The following PTPRN2 variants were observed in gnomAD, a reference collection of about 807,000 sequenced individuals.
The protein encoded by PTPRN2 is protein tyrosine phosphatase receptor type N2, also known as receptor-type tyrosine-protein phosphatase N2.
A neutral mutation model predicts 118.8 loss-of-function variants in PTPRN2; 74 were observed. The observed-to-expected ratio is 0.62, with a 90% CI of 0.52 to 0.76. The LOEUF (loss-of-function observed/expected upper bound fraction) is 0.76, where lower values mean the gene tolerates loss of function less well. PTPRN2 is among the 30% of genes least tolerant of loss of function. The pLI, the probability that PTPRN2 is intolerant of heterozygous loss-of-function variation, is 0.00. For missense variants in PTPRN2, 1,481 were observed against 1,394.4 expected, an observed-to-expected ratio of 1.06 and a Z score of -0.99; for synonymous variants, 641 against 608.0, an observed-to-expected ratio of 1.05 and a Z score of -0.80.
At chr7:158,008,472 C>T (rs1223759240) in intron 11 of PTPRN2, among the ~76,000 whole-genome samples, 3 of 152,220 alleles carry the variant, frequency 2.0e-5, no homozygotes, top group Non-Finnish European at 4.4e-5. Flanking sequence ...GTCCCGCGCG[C>T]GTGGTGGCGG....
chr7:158,012,259 A>AG (rs1806099984), intron 11 of PTPRN2, among the ~76,000 whole-genome samples: 1 of 152,054 alleles, frequency 6.6e-6, no homozygotes, highest in Non-Finnish European at 1.5e-5. Context: ...GTAAAAGGTT[A>AG]GGGAATGAAG....
intron 11 of PTPRN2, among the ~76,000 whole-genome samples, chr7:158,006,641 C>T (rs1805649634): frequency 6.6e-6 from 1 of 152,210 alleles, no homozygotes. Context: ...CCATCCCACC[C>T]CTATGGAGAT....
At chr7:157,726,599 G>A (rs1366479994) in intron 12 of PTPRN2, among the ~76,000 whole-genome samples, 3 of 152,220 alleles carry the variant, frequency 2.0e-5, no homozygotes, top group African/African-American at 4.8e-5. Context: ...ATTTGGCCAC[G>A]ATTTCCTGGA....
At chr7:158,389,189 T>A (rs995025753) in intron 2 of PTPRN2, among the ~76,000 whole-genome samples, 2 of 152,230 alleles carry the variant, frequency 1.3e-5, no homozygotes, top group African/African-American at 4.8e-5. Context: ...GTGCGGCCAC[T>A]GAGGCCACAC....
chr7:157,851,406 G>C (rs1013708054), intron 12 of PTPRN2, among the ~76,000 whole-genome samples: 1 of 152,140 alleles, frequency 6.6e-6, no homozygotes, highest in Non-Finnish European at 1.5e-5. Flanking sequence ...TAGTCTGATG[G>C]AAAGTCTCTG....
At position 158,234,087 on chromosome 7, in the gene PTPRN2, A is replaced by G. The variant is rs115456653; in HGVS notation, c.278-28814T>C. Among the ~76,000 whole-genome samples the G allele has an allele frequency of 4.1e-3, 632 of 152,290 alleles. 5 individuals carry two copies. The highest frequency in any genetic ancestry group is 0.015 in the African/African-American group (605 of 41,564). ...CAAAGATTTTTTTGGTAAGGCCTCA[A>G]AAGCACAGATAACCAAAGCAAATAA... On this transcript the variant is annotated intron_variant, in intron 3 of 22. Transcript: ENST00000389418.
intron 6 of PTPRN2, among the ~76,000 whole-genome samples, chr7:158,141,150 C>T (rs4909105): frequency 0.26 from 39,224 of 152,110 alleles, 5,325 homozygotes; most frequent in East Asian, 0.37. Context: ...GATCCCACTG[C>T]GACCCTCTGC....
intron 3 of PTPRN2, among the ~76,000 whole-genome samples, chr7:158,276,792 G>A (rs1799035835): frequency 1.3e-5 from 2 of 152,196 alleles, no homozygotes; most frequent in South Asian, 2.1e-4. Context: ...GCCTGGGGAC[G>A]CTCAGCTGGC....
chr7:158,335,371 T>C (rs62480951), intron 2 of PTPRN2, among the ~76,000 whole-genome samples: 78 of 7,508 alleles, frequency 0.01, 12 homozygotes, highest in Non-Finnish European at 0.018. Flanking sequence ...CTCACACCCA[T>C]ACTCTCACCA....
intron 3 of PTPRN2, among the ~76,000 whole-genome samples, chr7:158,284,849 G>A (rs550301613): frequency 7.2e-5 from 11 of 152,318 alleles, no homozygotes; most frequent in African/African-American, 1.2e-4. Flanking sequence ...GCCTGAGCTC[G>A]TTGAGCTGGA....
chr7:158,048,108 C>T (rs562945726), intron 11 of PTPRN2, among the ~76,000 whole-genome samples: 1 of 150,016 alleles, frequency 6.7e-6, no homozygotes, highest in Admixed American at 6.6e-5. Context: ...TAGATAGAAA[C>T]TCATACATGA....
At chr7:158,479,040 G>A (rs1820468684) in intron 2 of PTPRN2, among the ~76,000 whole-genome samples, 1 of 152,136 alleles carries the variant, frequency 6.6e-6, no homozygotes. Flanking sequence ...ACATGCCACA[G>A]GACAGGACCC....
chr7:158,176,294 T>G (rs1252502925), intron 5 of PTPRN2, among the ~76,000 whole-genome samples: 3 of 152,074 alleles, frequency 2.0e-5, no homozygotes, highest in African/African-American at 7.2e-5. Context: ...GCCACGGGGC[T>G]CTTATTCACT....
At chr7:157,589,183 C>T (rs932915381) in intron 17 of PTPRN2, among the ~76,000 whole-genome samples, 2 of 152,154 alleles carry the variant, frequency 1.3e-5, no homozygotes, top group Non-Finnish European at 2.9e-5. Flanking sequence ...CTGACGCCTC[C>T]GGGGACCCCA....
chr7:158,269,044 A>C (rs1370409815), intron 3 of PTPRN2, among the ~76,000 whole-genome samples: 2 of 152,216 alleles, frequency 1.3e-5, no homozygotes, highest in Non-Finnish European at 2.9e-5. Flanking sequence ...TTTTCTAGGA[A>C]GGACGTGGCG....
chr7:157,631,494 C>A (rs1376898191), intron 14 of PTPRN2, among the ~76,000 whole-genome samples: 1 of 152,090 alleles, frequency 6.6e-6, no homozygotes, highest in Non-Finnish European at 1.5e-5. Flanking sequence ...GTCAGGAGAT[C>A]GAGACCATCC....
intron 13 of PTPRN2, among the ~76,000 whole-genome samples, chr7:157,679,087 A>C (rs1390895620): frequency 6.6e-6 from 1 of 152,158 alleles, no homozygotes; most frequent in Non-Finnish European, 1.5e-5. Flanking sequence ...GTGTGTGTGT[A>C]CATGTGTGTA....
chr7:157,867,481 C>T (rs2151251972), intron 12 of PTPRN2, among the ~76,000 whole-genome samples: 1 of 135,318 alleles, frequency 7.4e-6, no homozygotes, highest in East Asian at 2.2e-4. Context: ...CCACCCTGTC[C>T]CTGACGCCCT....
At chr7:158,243,390 A>G (rs1205275791) in intron 3 of PTPRN2, among the ~76,000 whole-genome samples, 1 of 152,198 alleles carries the variant, frequency 6.6e-6, no homozygotes, top group East Asian at 1.9e-4. Context: ...AATGATTCCC[A>G]TGTGAGCACA....
Sources: allele counts gnomAD v4.1 joint callset (sites outside exome capture counted in the v4.1 genomes callset), GRCh38; gene constraint gnomAD v4.1.1; transcripts MANE v1.5; gene names NCBI Gene and HGNC (gene_info 2026-07-23, HGNC 2026-07-21).